The following RXFP1 variants were observed in gnomAD, a reference collection of about 807,000 sequenced individuals.
RXFP1 encodes the protein relaxin receptor 1.
RXFP1 carries 73 observed loss-of-function variants against 89.8 expected under a neutral mutation model. That is an observed-to-expected ratio of 0.81 (90% CI 0.67 to 0.99). The LOEUF (loss-of-function observed/expected upper bound fraction) is 0.99, where lower values mean the gene tolerates loss of function less well. Among genes scored for constraint, RXFP1 ranks in the 50% least tolerant of loss-of-function variants. The pLI is 0.00. For synonymous variants in RXFP1, 277 were observed against 305.5 expected, an observed-to-expected ratio of 0.91 and a Z score of 0.97; for missense variants, 793 against 895.5, an observed-to-expected ratio of 0.89 and a Z score of 1.46.
intron 8 of RXFP1, among the ~76,000 whole-genome samples, chr4:158,616,876 G>A (rs565701366): frequency 6.6e-6 from 1 of 151,516 alleles, no homozygotes; most frequent in African/African-American, 2.4e-5. Context: ...GCACATGCCT[G>A]TAACCCCAGC....
chr4:158,626,974 A>G (rs911560257), intron 10 of RXFP1, 83 bp downstream of exon 10: 6 of 636,710 alleles, frequency 9.4e-6, no homozygotes, highest in Non-Finnish European at 1.0e-5. Flanking sequence ...TGGAAAAAAA[A>G]TCCCAAAGAA....
At chr4:158,625,570 C>T (rs906684374) in intron 9 of RXFP1, among the ~76,000 whole-genome samples, 1 of 151,932 alleles carries the variant, frequency 6.6e-6, no homozygotes, top group African/African-American at 2.4e-5. Context: ...TAAATAACAC[C>T]CCATATTCTT....
intron 1 of RXFP1, among the ~76,000 whole-genome samples, chr4:158,557,748 C>T (rs1162339380): frequency 1.3e-5 from 2 of 152,184 alleles, no homozygotes; most frequent in Non-Finnish European, 2.9e-5. Context: ...TCACTAAAAG[C>T]GAGATGCATT....
intron 1 of RXFP1, among the ~76,000 whole-genome samples, chr4:158,568,068 A>G (rs1021401352): frequency 2.6e-5 from 4 of 152,174 alleles, no homozygotes; most frequent in African/African-American, 4.8e-5. Context: ...ACAACTCCGA[A>G]CACACTGCCT....
chr4:158,595,221 C>T (rs1326552132), intron 3 of RXFP1, among the ~76,000 whole-genome samples: 1 of 152,210 alleles, frequency 6.6e-6, no homozygotes, highest in Non-Finnish European at 1.5e-5. Flanking sequence ...TTTTGTACAA[C>T]TTATATCACT....
chr4:158,623,766 T>C (rs1766148980), intron 9 of RXFP1, among the ~76,000 whole-genome samples: 1 of 152,162 alleles, frequency 6.6e-6, no homozygotes, highest in South Asian at 2.1e-4. Flanking sequence ...TATTACAGTG[T>C]AGAACTTCAG....
At chr4:158,570,180 TAA>T (rs71587461) in intron 1 of RXFP1, among the ~76,000 whole-genome samples, 20,164 of 152,078 alleles carry the variant, frequency 0.13, 1,605 homozygotes, top group Middle Eastern at 0.22. Flanking sequence ...TGCAAGCCAA[TAA>T]AGTCTGAGTC....
At chr4:158,567,559 A>G (rs1455864168) in intron 1 of RXFP1, among the ~76,000 whole-genome samples, 1 of 152,114 alleles carries the variant, frequency 6.6e-6, no homozygotes, top group Non-Finnish European at 1.5e-5. Context: ...CTTTATGTCT[A>G]GCTAAGGGAT....
rs1469153089 is a variant in RXFP1, at chr4:158,615,289, C to T, written c.681-1842C>T. Reference sequence around the variant, plus strand: ...GGGTGGCTCATGCCTGTAATCCTAGCACTTTGGGATGCCAAGGCGGGCAGA... The same window carrying T: ...GGGTGGCTCATGCCTGTAATCCTAGTACTTTGGGATGCCAAGGCGGGCAGA... On this transcript the variant is annotated intron_variant, in intron 8 of 17. Transcript: ENST00000307765. Among the ~76,000 whole-genome samples, 10 of 151,712 alleles carry T rather than the reference C, an allele frequency of 6.6e-5. No individual in the cohort carries two copies. The East Asian group carries it at 1.6e-3, about 24-fold the overall frequency.
intron 8 of RXFP1, among the ~76,000 whole-genome samples, chr4:158,613,096 A>C (rs1419155302): frequency 6.6e-6 from 1 of 152,226 alleles, no homozygotes; most frequent in Non-Finnish European, 1.5e-5. Flanking sequence ...TTAAGTGTGC[A>C]ATAACATTAT....
intron 11 of RXFP1, among the ~76,000 whole-genome samples, chr4:158,632,870 G>T (rs949111288): frequency 6.6e-6 from 1 of 152,090 alleles, no homozygotes; most frequent in South Asian, 2.1e-4. Flanking sequence ...GAGAAAATGC[G>T]ATTGATTAAA....
At chr4:158,647,465 T>TTG (rs1286631576) in intron 16 of RXFP1, among the ~76,000 whole-genome samples, 4 of 152,270 alleles carry the variant, frequency 2.6e-5, no homozygotes, top group African/African-American at 9.6e-5. Context: ...ATTTATTATC[T>TTG]TTTCAAATTC....
At chr4:158,588,598 C>A (rs537594571) in intron 2 of RXFP1, among the ~76,000 whole-genome samples, 5 of 152,158 alleles carry the variant, frequency 3.3e-5, no homozygotes, top group Non-Finnish European at 7.3e-5. Flanking sequence ...GACAGAGCAG[C>A]AAACAAATGA....
chr4:158,552,240 C>A lies in RXFP1; in HGVS notation c.50-20458C>A, dbSNP rs181558657. 5.3e-5 allele frequency among the ~76,000 whole-genome samples: 8 copies of A among 152,152 alleles called. No individual in the cohort carries two copies. The East Asian group carries it at 1.5e-3, about 29-fold the overall frequency. Reference sequence around the variant, plus strand: ...ATCAATAAAACTGACTGTTACCACACCAGTAAGTAGGAATAAAATGTGATA... The same window carrying A: ...ATCAATAAAACTGACTGTTACCACAACAGTAAGTAGGAATAAAATGTGATA... On this transcript the variant is annotated intron_variant, in intron 1 of 17. Transcript: ENST00000307765.
intron 1 of RXFP1, among the ~76,000 whole-genome samples, chr4:158,531,071 TC>T (rs1743923911): frequency 6.6e-6 from 1 of 152,174 alleles, no homozygotes; most frequent in Non-Finnish European, 1.5e-5. Context: ...GGTCTTGCTC[TC>T]CTGGCCCAGG....
intron 15 of RXFP1, among the ~76,000 whole-genome samples, chr4:158,645,534 T>C (rs1026576090): frequency 5.3e-5 from 8 of 152,234 alleles, no homozygotes; most frequent in Non-Finnish European, 1.2e-4. Flanking sequence ...GATATTGACT[T>C]AACAACTACA....
In RXFP1 at chr4:158,573,023, T is replaced by TG; in HGVS notation, c.187+188_187+189insG. ...TCTTTTCTTTTCTTGTTTTTGTTTT[T>TG]TTTTGAGACGGAGTCTCGCTCTGTT... is the stretch of plus-strand genomic sequence containing the variant. On this transcript the variant is annotated intron_variant, in intron 2 of 17. Transcript: ENST00000307765. The TG allele has an allele frequency of 3.1e-6, 3 of 954,368 alleles. No homozygotes were observed. In the South Asian group the frequency reaches 5.7e-5, roughly 18 times the overall value. 59.1% of individuals were successfully genotyped at this position (954,368 alleles called of 1,614,324 possible). A position where few individuals can be genotyped will look rare whatever the true frequency, so the allele number is the denominator to read the frequency against.
At chr4:158,588,790 G>C (rs1758800522) in intron 2 of RXFP1, among the ~76,000 whole-genome samples, 1 of 152,184 alleles carries the variant, frequency 6.6e-6, no homozygotes, top group Non-Finnish European at 1.5e-5. Flanking sequence ...TACAATGGCT[G>C]TTCCTCATGA....
In RXFP1 at chr4:158,616,728, G is replaced by A. The variant is rs1362154316; in HGVS notation, c.681-403G>A. Among the ~76,000 whole-genome samples the A allele has an allele frequency of 4.0e-5, 6 of 151,030 alleles. No individual in the cohort carries two copies. In the East Asian group the frequency reaches 7.8e-4, roughly 20 times the overall value. ...AAAATTAGAGGGAAGGCTGGGCATG[G>A]TGGCTCACGCCTGCAATCCCAGCAC... On this transcript the variant is annotated intron_variant, in intron 8 of 17. Coordinates refer to ENST00000307765, the MANE Select transcript of RXFP1 (RefSeq NM_021634.4).
Sources: gnomAD v4.1 joint callset for allele counts (sites outside exome capture counted in the v4.1 genomes callset) on GRCh38, gnomAD v4.1.1 for gene constraint, MANE v1.5 for transcripts, NCBI Gene and HGNC (gene_info 2026-07-23, HGNC 2026-07-21) for gene names.